Variants in BANP observed in about 807,000 individuals in gnomAD.
BANP encodes protein BANP.
In BANP, 11 loss-of-function variants were observed where a neutral mutation model predicts 68.1. The observed-to-expected ratio is 0.16, with a 90% CI of 0.10 to 0.27. BANP has a LOEUF of 0.27. BANP is among the 10% of genes least tolerant of loss of function. The probability of loss-of-function intolerance (pLI) is 1.00; values close to 1 mark genes in which losing one functional copy is unlikely to be tolerated. For missense variants in BANP, 504 were observed against 722.7 expected (o/e 0.70, Z 3.47); for synonymous variants, 329 against 303.2 (o/e 1.09, Z -0.88).
chr16:88,075,445 G>C (rs192840732), intron 13 of BANP, among the ~76,000 whole-genome samples: 1 of 152,180 alleles, frequency 6.6e-6, no homozygotes, highest in African/African-American at 2.4e-5. Context: ...CGAGGCGGCC[G>C]TGAGGTGTGC....
chr16:88,053,699 CCAT>C (rs377094896), intron 11 of BANP, among the ~76,000 whole-genome samples: 19,249 of 139,708 alleles, frequency 0.14, 1,727 homozygotes, highest in South Asian at 0.27. Context: ...ACTGTCATCT[CCAT>C]CATCATCATC....
chr16:88,031,895 C>G (rs1250397200), intron 8 of BANP, among the ~76,000 whole-genome samples: 1 of 150,554 alleles, frequency 6.6e-6, no homozygotes, highest in Non-Finnish European at 1.5e-5. Flanking sequence ...ACCACCTACT[C>G]CCAGGTTCAA....
rs564314166 is a variant in BANP at position 88,051,704 on chromosome 16, A to G, written c.1312-13563A>G. Among the ~76,000 whole-genome samples the G allele has an allele frequency of 2.0e-5, 3 of 152,302 alleles. No homozygotes were observed. In the East Asian group the frequency reaches 5.8e-4, roughly 29 times the overall value. On this transcript the variant is annotated intron_variant, in intron 11 of 13. Transcript: ENST00000682872. ...CCACCTGACATAAAAATCCGCATAGAGAAATTCAGGATTTCTCTTGATTTA... is the reference window on the plus strand; with the variant it reads ...CCACCTGACATAAAAATCCGCATAGGGAAATTCAGGATTTCTCTTGATTTA...
At chr16:87,964,966 G>C (rs879943395) in intron 1 of BANP, among the ~76,000 whole-genome samples, 12 of 152,222 alleles carry the variant, frequency 7.9e-5, no homozygotes, top group Non-Finnish European at 1.8e-4. Flanking sequence ...CTAGTAGGTG[G>C]TGTGGTGTGA....
chr16:87,987,372 C>G (rs2064710937), intron 4 of BANP, among the ~76,000 whole-genome samples: 1 of 152,110 alleles, frequency 6.6e-6, no homozygotes, highest in African/African-American at 2.4e-5. Context: ...AGCCACCACG[C>G]CTAGTGGAGT....
At chr16:87,969,158 G>C (rs2060658940) in intron 1 of BANP, among the ~76,000 whole-genome samples, 1 of 152,100 alleles carries the variant, frequency 6.6e-6, no homozygotes, top group Admixed American at 6.6e-5. Flanking sequence ...GAAGCTGCGT[G>C]GTATATTCCA....
chr16:87,990,129 A>C (rs1456075729), intron 4 of BANP, among the ~76,000 whole-genome samples: 2 of 152,256 alleles, frequency 1.3e-5, no homozygotes, highest in Admixed American at 1.3e-4. Context: ...TATTTTTAAA[A>C]ATAAAAAGCT....
At chr16:88,070,286 A>AG (rs1207817302) in intron 12 of BANP, among the ~76,000 whole-genome samples, 1 of 152,146 alleles carries the variant, frequency 6.6e-6, no homozygotes, top group Non-Finnish European at 1.5e-5. Context: ...GTGGTGTTCA[A>AG]GGGCCAGCTG....
intron 1 of BANP, among the ~76,000 whole-genome samples, chr16:87,961,412 C>CT (rs1555533470): frequency 2.1e-5 from 3 of 142,948 alleles, no homozygotes; most frequent in African/African-American, 7.6e-5. Context: ...AATCTGCACC[C>CT]CCCCGGGCCT....
chr16:88,004,232 C>T lies in BANP; in HGVS notation c.363-63C>T, dbSNP rs1384096068. On this transcript the variant is annotated intron_variant, in intron 4 of 13. Transcript: ENST00000682872. The surrounding 1 kb of genome is among the most constrained non-coding windows in gnomAD (Gnocchi z 7.0). ...GACTGTGTTGAATGACTCTTATGTGCTCTTACCATGAATGTTGTTGTTTTA... is the reference window on the plus strand; with the variant it reads ...GACTGTGTTGAATGACTCTTATGTGTTCTTACCATGAATGTTGTTGTTTTA... The T allele has an allele frequency of 1.0e-6, 1 of 995,556 alleles. No homozygotes were observed. 61.7% of individuals were successfully genotyped at this position (995,556 alleles called of 1,614,324 possible). A position where few individuals can be genotyped will look rare whatever the true frequency, so the allele number is the denominator to read the frequency against.
Position 87,962,821 on chromosome 16 carries a change from C to A in BANP, c.-69+11306C>A, listed in dbSNP as rs77649787. Among the ~76,000 whole-genome samples the A allele has an allele frequency of 6.6e-4, 101 of 152,244 alleles. 3 individuals are homozygous for A. The East Asian group carries it at 0.018, about 27-fold the overall frequency. On this transcript the variant is annotated intron_variant, in intron 1 of 13. Coordinates refer to ENST00000682872, the MANE Select transcript of BANP (RefSeq NM_001386991.1). Reference sequence around the variant, plus strand: ...TTTATAGTTTTCTTTCCAGTTATTTCCCATCTCATTCTTGTACGTTCCACT... The same window carrying A: ...TTTATAGTTTTCTTTCCAGTTATTTACCATCTCATTCTTGTACGTTCCACT...
intron 12 of BANP, among the ~76,000 whole-genome samples, chr16:88,068,994 C>T (rs2089581165): frequency 6.6e-6 from 1 of 150,950 alleles, no homozygotes; most frequent in Non-Finnish European, 1.5e-5. Context: ...TGCCCCTGCA[C>T]CCAGCCCAGC....
chr16:87,961,521 G>A (rs546669794), intron 1 of BANP, among the ~76,000 whole-genome samples: 38 of 152,056 alleles, frequency 2.5e-4, no homozygotes, highest in African/African-American at 9.2e-4. Context: ...GCAGACCACC[G>A]GTGGAAGCAG....
rs541058638 is a variant in BANP, at chr16:88,048,263, C to T, written c.1311+10252C>T. 3.3e-5 allele frequency among the ~76,000 whole-genome samples: 5 copies of T among 152,288 alleles called. 1 individual carries two copies. The highest frequency in any genetic ancestry group is 3.3e-4 in the Admixed American group (5 of 15,298). ...GACTTAGCCAACTAAAAATAATTTT[C>T]CGGAAGCATCTAATCATTTGGAGAA... On this transcript the variant is annotated intron_variant, in intron 11 of 13. Transcript: ENST00000682872.
chr16:88,066,094 T>C (rs913785539), intron 12 of BANP, among the ~76,000 whole-genome samples: 2 of 152,204 alleles, frequency 1.3e-5, no homozygotes, highest in Admixed American at 6.5e-5. Context: ...GCTGTGCCCA[T>C]GCGAGGCGGC....
intron 11 of BANP, among the ~76,000 whole-genome samples, chr16:88,053,297 TCACCAC>T (rs1228745006): frequency 8.5e-6 from 1 of 117,840 alleles, no homozygotes. Context: ...ACAGTCCCCT[TCACCAC>T]CACCACCACC....
In BANP at chr16:87,964,991, G is replaced by A. The variant is rs559268586; in HGVS notation, c.-68-10057G>A. Among the ~76,000 whole-genome samples the A allele has an allele frequency of 5.4e-4, 83 of 152,324 alleles. 1 individual carries two copies. Among genetic ancestry groups the A allele is most frequent in the Non-Finnish European group, 4.9e-4 (33 of 68,022 alleles). ...GTGTGGTGTGAGGCCTGGAGTTCAT[G>A]TGCGAGGTCTGAGCTGGCAGGGTGA... is the stretch of plus-strand genomic sequence containing the variant. On this transcript the variant is annotated intron_variant, in intron 1 of 13. Coordinates refer to ENST00000682872, the MANE Select transcript of BANP (RefSeq NM_001386991.1).
intron 6 of BANP, among the ~76,000 whole-genome samples, chr16:88,011,964 C>T (rs1485336521): frequency 2.0e-5 from 3 of 152,314 alleles, no homozygotes; most frequent in South Asian, 4.1e-4. Flanking sequence ...CCAGAGTTGG[C>T]GTGTTTGGGA....
At chr16:88,009,155 G>T (rs1175319225) in intron 6 of BANP, among the ~76,000 whole-genome samples, 1 of 152,216 alleles carries the variant, frequency 6.6e-6, no homozygotes, top group African/African-American at 2.4e-5. Flanking sequence ...CTTCCATGGG[G>T]GGTGCGAATG....
Sources: allele counts gnomAD v4.1 joint callset (sites outside exome capture counted in the v4.1 genomes callset), GRCh38; gene constraint gnomAD v4.1.1; non-coding constraint Gnocchi (gnomAD v3.1); transcripts MANE v1.5; gene names NCBI Gene and HGNC (gene_info 2026-07-23, HGNC 2026-07-21).